ARHGAP6: variants seen among roughly 807,000 people sequenced by gnomAD.
ARHGAP6 encodes rho GTPase-activating protein 6.
A neutral mutation model predicts 55.7 loss-of-function variants in ARHGAP6; 16 were observed. The observed-to-expected ratio is 0.29, with a 90% confidence interval of 0.19 to 0.44. ARHGAP6 has a LOEUF of 0.44. Ranked by LOEUF, ARHGAP6 falls within the 20% of genes least tolerant of loss-of-function variation. The pLI is 1.00. For missense variants in ARHGAP6, 698 were observed against 808.9 expected, an observed-to-expected ratio of 0.86 and a Z score of 1.66; for synonymous variants, 382 against 360.9, an observed-to-expected ratio of 1.06 and a Z score of -0.66.
At chrX:11,567,168 T>C (rs1245207902) in intron 1 of ARHGAP6, among the ~76,000 whole-genome samples, 1 of 111,784 alleles carries the variant, frequency 8.9e-6, no homozygotes, top group Non-Finnish European at 1.9e-5. Context: ...TGTTAAATCA[T>C]CATATTTATA....
At chrX:11,458,326 C>T (rs767912829) in intron 1 of ARHGAP6, among the ~76,000 whole-genome samples, 1 of 112,338 alleles carries the variant, frequency 8.9e-6, no homozygotes, top group South Asian at 3.7e-4. Context: ...CTTGCCACTC[C>T]AGTACTTTCA....
At chrX:11,379,987 A>G (rs12014395) in intron 1 of ARHGAP6, among the ~76,000 whole-genome samples, 3,720 of 111,686 alleles carry the variant, frequency 0.033, 115 homozygotes, top group African/African-American at 0.099. Flanking sequence ...CAAAAATCAC[A>G]TAAAATACCA....
At chrX:11,641,242 C>T (rs746851096) in intron 1 of ARHGAP6, among the ~76,000 whole-genome samples, 157 of 111,336 alleles carry the variant, frequency 1.4e-3, no homozygotes, top group African/African-American at 4.8e-3. Flanking sequence ...TTGGCAGTCC[C>T]CCTGAATTAA....
chrX:11,242,472 A>C (rs1024526439), intron 2 of ARHGAP6, among the ~76,000 whole-genome samples: 2 of 111,770 alleles, frequency 1.8e-5, no homozygotes, highest in African/African-American at 3.2e-5. Context: ...AGCTTTCAGC[A>C]CATGTCTCAA....
At chrX:11,520,693 G>A (rs1003375869) in intron 1 of ARHGAP6, among the ~76,000 whole-genome samples, 2 of 111,192 alleles carry the variant, frequency 1.8e-5, no homozygotes, top group East Asian at 2.8e-4. Context: ...GCAATGGCTG[G>A]GTTAAATGGT....
At chrX:11,589,609 G>C (rs185753818) in intron 1 of ARHGAP6, among the ~76,000 whole-genome samples, 1 of 109,919 alleles carries the variant, frequency 9.1e-6, no homozygotes, top group Non-Finnish European at 1.9e-5. Flanking sequence ...ACTTTTCTGA[G>C]TGAAGGAAAA....
At chrX:11,476,369 T>A (rs905034853) in intron 1 of ARHGAP6, among the ~76,000 whole-genome samples, 6 of 111,037 alleles carry the variant, frequency 5.4e-5, no homozygotes, top group African/African-American at 2.0e-4. Flanking sequence ...AAACTGAAAA[T>A]TTAAAAATAT....
intron 2 of ARHGAP6, among the ~76,000 whole-genome samples, chrX:11,232,847 T>C (rs1007641751): frequency 3.6e-5 from 4 of 111,676 alleles, no homozygotes; most frequent in African/African-American, 1.3e-4. Context: ...TCTCTTTTAG[T>C]GGTTCTGTAC....
intron 1 of ARHGAP6, among the ~76,000 whole-genome samples, chrX:11,613,087 C>A (rs1227289247): frequency 1.8e-5 from 2 of 112,416 alleles, no homozygotes; most frequent in African/African-American, 6.5e-5. Flanking sequence ...TTCTCTGGGA[C>A]CTTCCATCTA....
chrX:11,503,666 T>C (rs886182585), intron 1 of ARHGAP6, among the ~76,000 whole-genome samples: 8 of 111,795 alleles, frequency 7.2e-5, no homozygotes, highest in Admixed American at 6.7e-4. Flanking sequence ...GGAAACGTTC[T>C]TTCTCTCTCT....
chrX:11,464,524 T>C (rs968246527), intron 1 of ARHGAP6, among the ~76,000 whole-genome samples: 1 of 112,453 alleles, frequency 8.9e-6, no homozygotes, highest in South Asian at 3.7e-4. Flanking sequence ...CCTGCCTGTT[T>C]ATAAAGATTA....
chrX:11,228,138 G>A (rs1040706440), intron 2 of ARHGAP6, among the ~76,000 whole-genome samples: 1 of 111,286 alleles, frequency 9.0e-6, no homozygotes, highest in Non-Finnish European at 1.9e-5. Flanking sequence ...TGAAAACCAC[G>A]TTATGTGGAC....
intron 1 of ARHGAP6, among the ~76,000 whole-genome samples, chrX:11,632,374 T>G (rs1358296935): frequency 8.9e-6 from 1 of 112,307 alleles, no homozygotes; most frequent in African/African-American, 3.2e-5. Context: ...CATAACAACT[T>G]GCCATCCTGC....
intron 1 of ARHGAP6, among the ~76,000 whole-genome samples, chrX:11,590,842 A>AAGG (rs2051806426): frequency 2.1e-5 from 1 of 46,961 alleles, no homozygotes; most frequent in East Asian, 6.7e-4. Context: ...AAAAGAAAAG[A>AAGG]AAAGAAAAGA....
chrX:11,408,330 A>C (rs2147761327), intron 1 of ARHGAP6, among the ~76,000 whole-genome samples: 1 of 111,434 alleles, frequency 9.0e-6, no homozygotes, highest in African/African-American at 3.3e-5. Flanking sequence ...TATAAGCCTC[A>C]CGGGTGAACT....
rs143905722 is a variant in ARHGAP6 at position 11,374,270 on chromosome X, T to C, written c.589-119563A>G. Among the ~76,000 whole-genome samples the C allele has an allele frequency of 5.5e-3, 609 of 111,708 alleles. 2 individuals carry two copies. The highest frequency in any genetic ancestry group is 7.4e-3 in the Non-Finnish European group (392 of 53,117). ...GCCAGGTACTTAGGAGCCACAGTTT[T>C]GCTCGTAAAGAGGCTTTGAGTAGTC... On this transcript the variant is annotated intron_variant, in intron 1 of 12. Transcript: ENST00000337414.
intron 1 of ARHGAP6, among the ~76,000 whole-genome samples, chrX:11,304,654 C>A (rs2048214451): frequency 1.8e-5 from 2 of 109,907 alleles, no homozygotes; most frequent in Admixed American, 9.7e-5. Context: ...TTCCTTTTAC[C>A]TTCTTTCTAG....
At chrX:11,210,429 C>T (rs2046776087) in intron 2 of ARHGAP6, among the ~76,000 whole-genome samples, 1 of 112,368 alleles carries the variant, frequency 8.9e-6, no homozygotes, top group Non-Finnish European at 1.9e-5. Flanking sequence ...TAGCATGGTA[C>T]ATAAATTAAA....
intron 1 of ARHGAP6, among the ~76,000 whole-genome samples, chrX:11,602,443 G>A (rs150959749): frequency 0.013 from 1,491 of 112,356 alleles, 23 homozygotes; most frequent in African/African-American, 0.045. Context: ...GTGTCTCTCC[G>A]GGATACCTGA....
Sources: gnomAD v4.1 joint callset for allele counts (sites outside exome capture counted in the v4.1 genomes callset) on GRCh38, gnomAD v4.1.1 for gene constraint, MANE v1.5 for transcripts, NCBI Gene and HGNC (gene_info 2026-07-23, HGNC 2026-07-21) for gene names.